The following UNC13C variants were observed in gnomAD, a reference collection of about 807,000 sequenced individuals.
The protein encoded by UNC13C is protein unc-13 homolog C.
In UNC13C, 174 loss-of-function variants were observed where a neutral mutation model predicts 245.4. The observed-to-expected ratio is 0.71, with a 90% CI of 0.63 to 0.80. The LOEUF (loss-of-function observed/expected upper bound fraction) is 0.80, where lower values mean the gene tolerates loss of function less well. Among genes scored for constraint, UNC13C ranks in the 30% least tolerant of loss-of-function variants. The pLI is 0.00. For missense variants in UNC13C, 2,829 were observed against 2,602.9 expected (o/e 1.09, Z -1.89); for synonymous variants, 992 against 895.1 (o/e 1.11, Z -1.93).
At chr15:54,192,269 C>A (rs2034210301) in intron 4 of UNC13C, among the ~76,000 whole-genome samples, 1 of 151,922 alleles carries the variant, frequency 6.6e-6, no homozygotes, top group East Asian at 1.9e-4. Flanking sequence ...TTTTTCATCT[C>A]TTCTTTGTTT....
At chr15:54,035,915 G>A (rs1405207034) in intron 2 of UNC13C, among the ~76,000 whole-genome samples, 1 of 152,096 alleles carries the variant, frequency 6.6e-6, no homozygotes, top group African/African-American at 2.4e-5. Context: ...TAGAGAAGAT[G>A]AAGATATGGT....
At chr15:54,334,570 T>C (rs1168405469) in intron 16 of UNC13C, among the ~76,000 whole-genome samples, 1 of 152,106 alleles carries the variant, frequency 6.6e-6, no homozygotes, top group Non-Finnish European at 1.5e-5. Context: ...TTTTTTTCAC[T>C]AGAACCTCTA....
intron 4 of UNC13C, among the ~76,000 whole-genome samples, chr15:54,206,473 T>C (rs1264804311): frequency 6.6e-6 from 1 of 152,088 alleles, no homozygotes; most frequent in African/African-American, 2.4e-5. Context: ...ACCGGAATAT[T>C]AATTGTTTTG....
chr15:53,923,019 C>T, the UNC13C span, among the ~76,000 whole-genome samples: 4 of 152,176 alleles, frequency 2.6e-5, no homozygotes, highest in Admixed American at 2.6e-4. Flanking sequence ...TAAAATATTT[C>T]AGTCTCAGGT....
At chr15:54,153,768 A>G (rs2141254643) in intron 4 of UNC13C, among the ~76,000 whole-genome samples, 1 of 152,038 alleles carries the variant, frequency 6.6e-6, no homozygotes, top group East Asian at 1.9e-4. Context: ...GAATTTCAGG[A>G]TATATCCTAG....
chr15:54,046,875 C>T (rs922501943), intron 2 of UNC13C, among the ~76,000 whole-genome samples: 1 of 151,508 alleles, frequency 6.6e-6, no homozygotes, highest in African/African-American at 2.4e-5. Flanking sequence ...AGAAAAGAAA[C>T]ATGTTAAAAA....
intron 29 of UNC13C, among the ~76,000 whole-genome samples, chr15:54,560,925 A>C (rs1163753778): frequency 6.6e-6 from 1 of 152,052 alleles, no homozygotes; most frequent in Non-Finnish European, 1.5e-5. Context: ...GTTGTCACTT[A>C]TATTGCCTGA....
chr15:54,386,234 C>G (rs750631086), intron 17 of UNC13C, among the ~76,000 whole-genome samples: 2 of 152,080 alleles, frequency 1.3e-5, no homozygotes, highest in African/African-American at 2.4e-5. Flanking sequence ...TTACTTATCT[C>G]TAAAATGATG....
In UNC13C at chr15:54,507,920, C is replaced by T. The variant is rs536564511; in HGVS notation, c.5379+726C>T. Among the ~76,000 whole-genome samples, 6 of 151,046 alleles carry T rather than the reference C, an allele frequency of 4.0e-5. No homozygotes were observed. The East Asian group carries it at 5.8e-4, about 15-fold the overall frequency. On this transcript the variant is annotated intron_variant, in intron 23 of 32. Transcript: ENST00000260323. ...AAAAAAAAGAAAAACCAGTTTTTTC[C>T]CCCTCCAAAAATCAGTTTCGCTATC...
In UNC13C at chr15:54,143,065, C is replaced by T. The variant is rs142354786; in HGVS notation, c.3006+25C>T. 240 of 1,601,076 alleles carry T rather than the reference C, an allele frequency of 1.5e-4. No individual in the cohort carries two copies. In the East Asian group the frequency reaches 4.7e-3, roughly 31 times the overall value. On this transcript the variant is annotated intron_variant, in intron 3 of 32. Transcript: ENST00000260323. ...GGTTTTAAATCATACTTATTCTTCC[C>T]TCCTGAGGAATCTTGTCTTTTGTAC...
the UNC13C span, among the ~76,000 whole-genome samples, chr15:53,966,581 C>A: frequency 6.6e-6 from 1 of 151,956 alleles, no homozygotes; most frequent in Non-Finnish European, 1.5e-5. Flanking sequence ...TTTTTAACTT[C>A]ATTGCCTGTT....
chr15:54,541,840 T>G (rs1313809039), intron 26 of UNC13C, among the ~76,000 whole-genome samples: 1 of 152,080 alleles, frequency 6.6e-6, no homozygotes, highest in African/African-American at 2.4e-5. Context: ...TAGGTAAATT[T>G]TTATTCTTGA....
the UNC13C span, among the ~76,000 whole-genome samples, chr15:53,841,836 T>C: frequency 4.6e-5 from 7 of 152,208 alleles, no homozygotes; most frequent in East Asian, 1.3e-3. Flanking sequence ...AATTTGCCTC[T>C]TCTGTCTTCA....
intron 2 of UNC13C, among the ~76,000 whole-genome samples, chr15:54,114,659 T>C (rs2030097238): frequency 6.6e-6 from 1 of 152,202 alleles, no homozygotes; most frequent in Non-Finnish European, 1.5e-5. Context: ...AACATATTTC[T>C]ACATATAACC....
chr15:54,448,201 G>T (rs2141002265), intron 19 of UNC13C, among the ~76,000 whole-genome samples: 1 of 152,246 alleles, frequency 6.6e-6, no homozygotes, highest in South Asian at 2.1e-4. Flanking sequence ...CAACTATGTG[G>T]TCAGTTTTGG....
intron 4 of UNC13C, among the ~76,000 whole-genome samples, chr15:54,157,415 A>G (rs2032794650): frequency 6.6e-6 from 1 of 152,168 alleles, no homozygotes; most frequent in Admixed American, 6.5e-5. Flanking sequence ...AGTATGTTTT[A>G]CCTTTCTTTT....
chr15:54,138,826 C>T (rs978091348), intron 2 of UNC13C, among the ~76,000 whole-genome samples: 2 of 151,982 alleles, frequency 1.3e-5, no homozygotes, highest in East Asian at 1.9e-4. Context: ...CATACTCCCT[C>T]TGAAGGAACT....
At chr15:54,233,496 A>G (rs999397285) in intron 4 of UNC13C, among the ~76,000 whole-genome samples, 1 of 152,152 alleles carries the variant, frequency 6.6e-6, no homozygotes, top group Admixed American at 6.6e-5. Context: ...TCACTTCCAA[A>G]TATATGTTAT....
intron 2 of UNC13C, among the ~76,000 whole-genome samples, chr15:54,108,065 C>A (rs1324548334): frequency 6.6e-6 from 1 of 152,068 alleles, no homozygotes; most frequent in Non-Finnish European, 1.5e-5. Flanking sequence ...TAACAATATA[C>A]AAGGATTATC....
Sources: allele counts gnomAD v4.1 joint callset (sites outside exome capture counted in the v4.1 genomes callset), GRCh38; gene constraint gnomAD v4.1.1; transcripts MANE v1.5; gene names NCBI Gene and HGNC (gene_info 2026-07-23, HGNC 2026-07-21).